The following UNC13C variants were observed in gnomAD, a reference collection of about 807,000 sequenced individuals.
UNC13C encodes protein unc-13 homolog C.
In UNC13C, 174 loss-of-function variants were observed where a neutral mutation model predicts 245.4. The observed-to-expected ratio is 0.71, with a 90% CI of 0.63 to 0.80. The LOEUF (loss-of-function observed/expected upper bound fraction) is 0.80. UNC13C is among the 30% of genes least tolerant of loss of function. UNC13C has a pLI of 0.00. For synonymous variants in UNC13C, 992 were observed against 895.1 expected, an observed-to-expected ratio of 1.11 and a Z score of -1.93; for missense variants, 2,829 against 2,602.9, an observed-to-expected ratio of 1.09 and a Z score of -1.89.
chr15:54,318,599 C>T (rs2038069288), intron 13 of UNC13C, among the ~76,000 whole-genome samples: 2 of 151,794 alleles, frequency 1.3e-5, no homozygotes, highest in African/African-American at 4.8e-5. Context: ...CTGAGTTATT[C>T]AAGGTTCTTA....
intron 17 of UNC13C, among the ~76,000 whole-genome samples, chr15:54,358,065 T>A (rs1386782815): frequency 6.6e-6 from 1 of 152,086 alleles, no homozygotes; most frequent in Non-Finnish European, 1.5e-5. Context: ...TAGCACCATT[T>A]ATTAAGGACT....
chr15:54,446,522 T>C (rs1057342343), intron 19 of UNC13C, among the ~76,000 whole-genome samples: 4 of 152,198 alleles, frequency 2.6e-5, no homozygotes, highest in African/African-American at 4.8e-5. Flanking sequence ...CCCTTGTAAG[T>C]TGGATTCCTA....
chr15:53,848,520 A>G, the UNC13C span, among the ~76,000 whole-genome samples: 1 of 152,158 alleles, frequency 6.6e-6, no homozygotes. Context: ...AAATATATTG[A>G]GACTTATTTT....
At chr15:54,391,907 T>C (rs191877016) in intron 17 of UNC13C, among the ~76,000 whole-genome samples, 3 of 152,150 alleles carry the variant, frequency 2.0e-5, no homozygotes, top group African/African-American at 4.8e-5. Context: ...CACTGGAACA[T>C]ATGCATATAC....
chr15:54,157,236 A>G (rs1355712728), intron 4 of UNC13C, among the ~76,000 whole-genome samples: 1 of 152,256 alleles, frequency 6.6e-6, no homozygotes, highest in East Asian at 1.9e-4. Context: ...ATAATGTGAT[A>G]CACTGACAAA....
intron 7 of UNC13C, among the ~76,000 whole-genome samples, chr15:54,241,483 C>G (rs969434499): frequency 6.6e-6 from 1 of 152,192 alleles, no homozygotes; most frequent in Non-Finnish European, 1.5e-5. Context: ...AACAGGAACA[C>G]TTTCAGGCCA....
At chr15:54,043,400 G>A (rs1896896720) in intron 2 of UNC13C, among the ~76,000 whole-genome samples, 1 of 152,140 alleles carries the variant, frequency 6.6e-6, no homozygotes, top group African/African-American at 2.4e-5. Context: ...GAATTTTGAA[G>A]CCCAGTCAAA....
At chr15:54,038,116 A>ATTTTTTTTTTT (rs1315947594) in intron 2 of UNC13C, among the ~76,000 whole-genome samples, 14 of 22,580 alleles carry the variant, frequency 6.2e-4, no homozygotes, top group Non-Finnish European at 8.6e-4. Flanking sequence ...ATATATATAT[A>ATTTTTTTTTTT]TATATATATT....
Position 54,500,826 on chromosome 15 carries a change from TC to T in UNC13C, c.5158-5del. 3.1e-6 allele frequency: 5 copies of T among 1,612,126 alleles called. No individual in the cohort carries two copies. Among genetic ancestry groups the T allele is most frequent in the Non-Finnish European group, 4.2e-6 (5 of 1,178,858 alleles). Reference sequence around the variant, plus strand: ...CTGTTTGGGATGGTTTCACCTCCTCTCCCCACAGTTCCAGCAGACATCTGAG... The same window carrying T: ...CTGTTTGGGATGGTTTCACCTCCTCTCCCACAGTTCCAGCAGACATCTGAG... On this transcript the variant is annotated splice_region_variant and splice_polypyrimidine_tract_variant and intron_variant, in intron 21 of 32. Coordinates refer to ENST00000260323, the MANE Select transcript of UNC13C (RefSeq NM_001080534.3).
the UNC13C span, among the ~76,000 whole-genome samples, chr15:53,943,305 CTT>C: frequency 6.6e-6 from 1 of 152,172 alleles, no homozygotes; most frequent in Non-Finnish European, 1.5e-5. Context: ...ATCACATTCT[CTT>C]GTCACAATCA....
intron 29 of UNC13C, among the ~76,000 whole-genome samples, chr15:54,560,375 TA>T (rs913508977): frequency 2.6e-5 from 4 of 151,718 alleles, no homozygotes; most frequent in African/African-American, 7.3e-5. Context: ...ATTGGGATTA[TA>T]AAAAAATAGC....
At position 54,507,179 on chromosome 15, in the gene UNC13C, T is replaced by C. The variant is rs569231621; in HGVS notation, c.5364T>C (p.Cys1788=). The change falls in exon 23 of 33, where the codon TGT becomes TGC. Residue 1788 remains cysteine, a synonymous_variant. Coordinates refer to ENST00000260323, the MANE Select transcript of UNC13C (RefSeq NM_001080534.3). ...AIVSSDFSSH[C]DKENVPCILM... Reference sequence around the variant, plus strand: ...TATCAAGTGATTTCAGTTCACATTGTGATAAGGAAAATGTGGTAAGTAAAA... The same window carrying C: ...TATCAAGTGATTTCAGTTCACATTGCGATAAGGAAAATGTGGTAAGTAAAA... 6 of 1,592,216 alleles carry C rather than the reference T, an allele frequency of 3.8e-6. No homozygotes were observed. Among genetic ancestry groups the C allele is most frequent in the East Asian group, 2.3e-5 (1 of 44,436 alleles).
At chr15:53,961,247 C>G in the UNC13C span, among the ~76,000 whole-genome samples, 1 of 152,246 alleles carries the variant, frequency 6.6e-6, no homozygotes, top group African/African-American at 2.4e-5. Flanking sequence ...GGCACAGCAC[C>G]GGACCATGAA....
chr15:54,104,124 G>T (rs1900313152), intron 2 of UNC13C, among the ~76,000 whole-genome samples: 2 of 152,232 alleles, frequency 1.3e-5, no homozygotes, highest in Non-Finnish European at 2.9e-5. Flanking sequence ...GCGAGCCCAT[G>T]TTTGGACCCA....
chr15:54,318,267 T>C (rs999678522), intron 13 of UNC13C, among the ~76,000 whole-genome samples: 4 of 151,860 alleles, frequency 2.6e-5, no homozygotes, highest in Admixed American at 2.6e-4. Context: ...AATCATATGA[T>C]TGTCCTATTT....
chr15:54,069,210 A>G (rs1257479897), intron 2 of UNC13C, among the ~76,000 whole-genome samples: 2 of 152,188 alleles, frequency 1.3e-5, no homozygotes, highest in African/African-American at 4.8e-5. Flanking sequence ...TCTGTCTGAA[A>G]GTGTTTAAGC....
intron 2 of UNC13C, among the ~76,000 whole-genome samples, chr15:54,056,153 A>T (rs1897509222): frequency 6.6e-6 from 1 of 152,190 alleles, no homozygotes; most frequent in South Asian, 2.1e-4. Context: ...CAGAAGCTCA[A>T]ACTACTCCGA....
upstream of UNC13C, chr15:53,976,845 A>G (rs1893723913): frequency 6.6e-6 from 1 of 152,226 alleles, no homozygotes; most frequent in Admixed American, 6.5e-5. Context: ...CAAAAAGTGA[A>G]AACAGATTCA....
chr15:54,278,435 C>T lies in UNC13C; in HGVS notation c.3818+12939C>T, dbSNP rs2140911527. 2.0e-5 allele frequency among the ~76,000 whole-genome samples: 3 copies of T among 152,166 alleles called. 1 individual carries two copies. The Middle Eastern group carries it at 0.01, about 518-fold the overall frequency. On this transcript the variant is annotated intron_variant, in intron 10 of 32. Transcript: ENST00000260323. ...AATTGGGAAGTTCCCTGAGGAATGG[C>T]TGAATTTCTGGAAAAGCATTCACTA...
Sources: allele counts gnomAD v4.1 joint callset (sites outside exome capture counted in the v4.1 genomes callset), GRCh38; gene constraint gnomAD v4.1.1; transcripts MANE v1.5; gene names NCBI Gene and HGNC (gene_info 2026-07-23, HGNC 2026-07-21).